HPD: variants seen among roughly 807,000 people sequenced by gnomAD.
HPD encodes 4-hydroxyphenylpyruvic acid oxidase.
In HPD, 35 loss-of-function variants were observed where a neutral mutation model predicts 56.9. The ratio of observed to expected loss-of-function variants is 0.62; its 90% CI spans 0.47 to 0.82. HPD has a LOEUF of 0.82. Ranked by LOEUF, HPD falls within the 40% of genes least tolerant of loss-of-function variation. The probability of loss-of-function intolerance (pLI) is 0.00; values close to 1 mark genes in which losing one functional copy is unlikely to be tolerated. For missense variants in HPD, 442 were observed against 506.8 expected (o/e 0.87, Z 1.23); for synonymous variants, 186 against 200.2 (o/e 0.93, Z 0.60).
chr12:121,870,888 AC>A, the HPD span, among the ~76,000 whole-genome samples: 1 of 151,708 alleles, frequency 6.6e-6, no homozygotes, highest in African/African-American at 2.4e-5. Flanking sequence ...GAGCCACCGC[AC>A]CCGGCCTATT....
the HPD span, among the ~76,000 whole-genome samples, chr12:121,881,494 A>G: frequency 6.6e-6 from 1 of 150,790 alleles, no homozygotes; most frequent in Non-Finnish European, 1.5e-5. Context: ...TGAAGGCCAC[A>G]CTCCTGTTGG....
At chr12:121,875,494 C>T in the HPD span, among the ~76,000 whole-genome samples, 14 of 148,068 alleles carry the variant, frequency 9.5e-5, no homozygotes, top group African/African-American at 2.8e-4. Context: ...GGCTCAATCT[C>T]GGCTCACTGC....
chr12:121,871,521 A>G, the HPD span, among the ~76,000 whole-genome samples: 1 of 152,158 alleles, frequency 6.6e-6, no homozygotes, highest in Non-Finnish European at 1.5e-5. Context: ...CAGGCCCCAC[A>G]GCTCTCCCAA....
At chr12:121,855,518 G>A (rs944730533) in intron 6 of HPD, among the ~76,000 whole-genome samples, 1 of 152,142 alleles carries the variant, frequency 6.6e-6, no homozygotes, top group Non-Finnish European at 1.5e-5. Context: ...AGGAGTTCAA[G>A]ACCAGCCTGG....
chr12:121,847,355 G>T, intron 9 of HPD, 141 bp from the exon 10 acceptor site: 1 of 769,130 alleles, frequency 1.3e-6, no homozygotes, highest in Non-Finnish European at 2.2e-6. Flanking sequence ...CAGAGATTTA[G>T]ATCTTTTTGT....
chr12:121,878,919 C>T, the HPD span, among the ~76,000 whole-genome samples: 1 of 152,014 alleles, frequency 6.6e-6, no homozygotes, highest in Non-Finnish European at 1.5e-5. Context: ...AAACCATCCT[C>T]CCGCCTTGGC....
At chr12:121,866,599 G>A (rs545566283), upstream of HPD, among the ~76,000 whole-genome samples, 2 of 151,956 alleles carry the variant, frequency 1.3e-5, no homozygotes, top group Non-Finnish European at 2.9e-5. Context: ...AGCACCCCAA[G>A]CTTAGTGACT....
chr12:121,849,704 G>A lies in HPD; in HGVS notation c.501C>T (p.Asp167=). 1.2e-6 allele frequency: 2 copies of A among 1,612,108 alleles called. No individual in the cohort carries two copies. Among genetic ancestry groups the A allele is most frequent in the South Asian group, 2.2e-5 (2 of 91,042 alleles). The stretch of plus-strand genomic sequence containing the variant: ...ACACTCACAGTTTAGGAAGTAGGGG[G>A]TCCATGAACGCTGGGGCCTCATATC... The part of the protein sequence containing the change: ...LPGYEAPAFM[D]PLLPKLPKCS... The change falls in exon 8 of 14, where the codon GAC becomes GAT. Residue 167 remains aspartate (D), a synonymous_variant. Coordinates refer to ENST00000289004, the MANE Select transcript of HPD (RefSeq NM_002150.3).
chr12:121,869,862 T>C, the HPD span, among the ~76,000 whole-genome samples: 5 of 152,198 alleles, frequency 3.3e-5, no homozygotes, highest in Admixed American at 3.3e-4. Context: ...GTGCAACAGC[T>C]TTTAATTTTG....
At chr12:121,869,804 C>T in the HPD span, among the ~76,000 whole-genome samples, 5 of 152,256 alleles carry the variant, frequency 3.3e-5, no homozygotes, top group South Asian at 2.1e-4. Context: ...GAATTACTGG[C>T]GTGAGCCACC....
upstream of HPD, among the ~76,000 whole-genome samples, chr12:121,862,668 C>T (rs1273144170): frequency 5.2e-5 from 5 of 96,878 alleles, no homozygotes; most frequent in South Asian, 4.2e-4. Context: ...AGTGCAGTGG[C>T]GTGATCTTGG....
In HPD at chr12:121,854,726, C is replaced by A. The variant is rs1048776123; in HGVS notation, c.391G>T (p.Val131Leu). 4 of 1,614,048 alleles carry A rather than the reference C, an allele frequency of 2.5e-6. No homozygotes were observed. The highest frequency in any genetic ancestry group is 3.4e-6 in the Non-Finnish European group (4 of 1,179,906). The change falls in exon 7 of 14, where the codon GTG (valine) becomes TTG (leucine). Residue 131 changes from valine (V) to leucine (L), a missense_variant. By Grantham distance (32) the Val-to-Leu change is conservative (BLOSUM62 1). Transcript: ENST00000289004. Reference sequence around the variant, plus strand: ...ACCGTCTGCAGCACAGCAAACTTCACCTTCCCAAACTTGTCTTGCTCTACC... The same window carrying A: ...ACCGTCTGCAGCACAGCAAACTTCAACTTCCCAAACTTGTCTTGCTCTACC... ...PWVEQDKFGK[V>L]KFAVLQTYGD...
chr12:121,850,818 C>A (rs1360810632), intron 7 of HPD, among the ~76,000 whole-genome samples: 1 of 151,558 alleles, frequency 6.6e-6, no homozygotes, highest in East Asian at 1.9e-4. Flanking sequence ...CCTGCCTCAG[C>A]CTCCCAAATA....
At chr12:121,855,911 G>A (rs1187325215) in intron 6 of HPD, among the ~76,000 whole-genome samples, 1 of 145,736 alleles carries the variant, frequency 6.9e-6, no homozygotes, top group Non-Finnish European at 1.5e-5. Flanking sequence ...CAGAAGTTGC[G>A]GTGAGCCGAG....
rs1432226230 is a variant in HPD at position 121,839,552 on chromosome 12, G to A, written c.*176C>T. ...TTGGACCGGGGCACGCTTTAATCGGGAGGGCTGGAGCAGAGGGCGGCCCCG... is the reference window on the plus strand; with the variant it reads ...TTGGACCGGGGCACGCTTTAATCGGAAGGGCTGGAGCAGAGGGCGGCCCCG... On this transcript the variant is annotated 3_prime_UTR_variant, in exon 14 of 14. Coordinates refer to ENST00000289004, the MANE Select transcript of HPD (RefSeq NM_002150.3). The A allele has an allele frequency of 1.6e-6, 1 of 635,210 alleles. No individual in the cohort carries two copies. The highest frequency in any genetic ancestry group is 2.8e-6 in the Non-Finnish European group (1 of 355,398). The allele number at this position is 635,210 out of a possible 1,614,324, so 39.3% of individuals were successfully genotyped here.
At chr12:121,848,798 G>A (rs1420251357) in intron 9 of HPD, among the ~76,000 whole-genome samples, 1 of 152,006 alleles carries the variant, frequency 6.6e-6, no homozygotes, top group Admixed American at 6.6e-5. Flanking sequence ...TAGAGACGGG[G>A]TTTCTCCATA....
At chr12:121,876,180 G>A in the HPD span, among the ~76,000 whole-genome samples, 10 of 152,060 alleles carry the variant, frequency 6.6e-5, no homozygotes, top group African/African-American at 2.2e-4. Context: ...GCGTGGTGGC[G>A]GGCGCCTGTA....
chr12:121,847,015 C>T, intron 10 of HPD, 37 bp downstream of exon 10: 2 of 1,614,044 alleles, frequency 1.2e-6, no homozygotes, highest in Non-Finnish European at 1.7e-6. Context: ...CAGACCTCTT[C>T]CCTGCTCCCC....
chr12:121,863,138 A>G (rs11043221), upstream of HPD, among the ~76,000 whole-genome samples: 1 of 151,746 alleles, frequency 6.6e-6, no homozygotes, highest in African/African-American at 2.4e-5. Context: ...ATGCGCCACC[A>G]CACCAAGCTA....
Sources: gnomAD v4.1 joint callset for allele counts (sites outside exome capture counted in the v4.1 genomes callset) on GRCh38, gnomAD v4.1.1 for gene constraint, MANE v1.5 for transcripts, NCBI Gene and HGNC (gene_info 2026-07-23, HGNC 2026-07-21) for gene names.